The following MVB12B variants were observed in gnomAD, a reference collection of about 807,000 sequenced individuals.
MVB12B encodes the protein multivesicular body subunit 12B, also known as ESCRT-I complex subunit MVB12B.
A neutral mutation model predicts 41.6 loss-of-function variants in MVB12B; 16 were observed. The observed-to-expected ratio is 0.38, with a 90% CI of 0.26 to 0.58. MVB12B has a LOEUF of 0.58. MVB12B is among the 20% of genes least tolerant of loss of function. The pLI is 0.62. For synonymous variants in MVB12B, 133 were observed against 139.7 expected (o/e 0.95, Z 0.34); for missense variants, 274 against 380.2 (o/e 0.72, Z 2.32).
chr9:126,404,381 G>T (rs971054085), intron 6 of MVB12B, among the ~76,000 whole-genome samples: 6 of 152,194 alleles, frequency 3.9e-5, no homozygotes, highest in Non-Finnish European at 8.8e-5. Flanking sequence ...CAAGTGTCAG[G>T]GCTAGGATCT....
intron 7 of MVB12B, among the ~76,000 whole-genome samples, chr9:126,472,433 C>T (rs1833333032): frequency 6.7e-6 from 1 of 149,596 alleles, no homozygotes; most frequent in Admixed American, 6.7e-5. Context: ...GACTGCTTCC[C>T]CGAGAATAGC....
intron 6 of MVB12B, among the ~76,000 whole-genome samples, chr9:126,404,498 A>G (rs1040184376): frequency 3.9e-5 from 6 of 152,232 alleles, no homozygotes; most frequent in African/African-American, 1.4e-4. Context: ...GCTGGTGGGT[A>G]GGTGGGGTGC....
intron 2 of MVB12B, among the ~76,000 whole-genome samples, chr9:126,365,527 G>A (rs1830154994): frequency 6.6e-6 from 1 of 151,930 alleles, no homozygotes; most frequent in Admixed American, 6.6e-5. Flanking sequence ...TTTTTGTAGA[G>A]ACAGGGTTTC....
intron 7 of MVB12B, among the ~76,000 whole-genome samples, chr9:126,457,413 G>C (rs941430168): frequency 2.0e-5 from 3 of 152,210 alleles, no homozygotes; most frequent in African/African-American, 7.2e-5. Context: ...TCCCCACTGA[G>C]GCACGCCTGC....
Position 126,395,571 on chromosome 9 carries a change from A to G in MVB12B, c.540-4A>G, listed in dbSNP as rs184316811. 3,326 of 1,613,420 alleles carry G rather than the reference A, an allele frequency of 2.1e-3. 2 individuals carry two copies. The highest frequency in any genetic ancestry group is 2.6e-3 in the Non-Finnish European group (3,067 of 1,179,790). ...GCCATGAAGATTTCTCTTTTTTCCT[A>G]AAGGGAACTGAACAGCATGGGGATC... On this transcript the variant is annotated splice_polypyrimidine_tract_variant and splice_region_variant and intron_variant, in intron 5 of 9. Coordinates refer to ENST00000361171, the MANE Select transcript of MVB12B (RefSeq NM_033446.3). This position sits in a 1 kb window ranked among gnomAD's most constrained non-coding sequence, Gnocchi z 4.9.
intron 2 of MVB12B, among the ~76,000 whole-genome samples, chr9:126,342,218 G>A (rs544469425): frequency 5.3e-5 from 8 of 152,230 alleles, no homozygotes; most frequent in Non-Finnish European, 1.5e-5. Context: ...TTCCCGCTGT[G>A]GGAGAGGACG....
At chr9:126,496,883 C>A (rs1017682017) in intron 9 of MVB12B, among the ~76,000 whole-genome samples, 1 of 152,194 alleles carries the variant, frequency 6.6e-6, no homozygotes, top group East Asian at 1.9e-4. Flanking sequence ...AGGCCCCTGT[C>A]CCCCAGGGGA....
At chr9:126,422,856 C>T (rs1832065832) in intron 7 of MVB12B, among the ~76,000 whole-genome samples, 1 of 152,088 alleles carries the variant, frequency 6.6e-6, no homozygotes, top group African/African-American at 2.4e-5. Context: ...ATGATCACTC[C>T]CTAATAGGTT....
Position 126,473,943 on chromosome 9 carries a change from GA to G in MVB12B, c.758-7424del, listed in dbSNP as rs1300288568. On this transcript the variant is annotated intron_variant, in intron 7 of 9. Transcript: ENST00000361171. This position sits in a 1 kb window ranked among gnomAD's most constrained non-coding sequence, Gnocchi z 4.0. ...TATTTTGTAGAACTGGGCTTGGGGA[GA>G]ACTTCTTTACCTCCCAGGTTTGTTG... 1.3e-5 allele frequency among the ~76,000 whole-genome samples: 2 copies of G among 152,208 alleles called. No homozygotes were observed. Among genetic ancestry groups the G allele is most frequent in the Non-Finnish European group, 1.5e-5 (1 of 68,042 alleles).
intron 6 of MVB12B, among the ~76,000 whole-genome samples, chr9:126,401,574 A>C (rs1047773856): frequency 2.0e-5 from 3 of 152,186 alleles, no homozygotes; most frequent in Non-Finnish European, 4.4e-5. Context: ...ATCCTTGCTG[A>C]CCTCAAAAAT....
intron 7 of MVB12B, among the ~76,000 whole-genome samples, chr9:126,448,890 A>G (rs1832841530): frequency 1.3e-5 from 2 of 152,178 alleles, no homozygotes; most frequent in Admixed American, 6.5e-5. Context: ...AAACTGCCAA[A>G]CCATATCAAG....
At chr9:126,417,821 G>A (rs972150584) in intron 6 of MVB12B, among the ~76,000 whole-genome samples, 4 of 152,182 alleles carry the variant, frequency 2.6e-5, no homozygotes, top group Admixed American at 2.0e-4. Flanking sequence ...CCAGTCTGGG[G>A]CAAGCCCAGG....
At chr9:126,373,317 G>A (rs1016507536) in intron 2 of MVB12B, among the ~76,000 whole-genome samples, 4 of 152,202 alleles carry the variant, frequency 2.6e-5, no homozygotes, top group Admixed American at 6.5e-5. Flanking sequence ...CGGATGGTTG[G>A]ATAGGCTCCT....
intron 3 of MVB12B, among the ~76,000 whole-genome samples, chr9:126,384,318 G>T (rs767891530): frequency 3.9e-5 from 6 of 152,154 alleles, no homozygotes; most frequent in Non-Finnish European, 7.3e-5. Flanking sequence ...ATAGTTCTGA[G>T]AGGAAGAAAC....
Position 126,503,207 on chromosome 9 carries a change from G to A in MVB12B, c.904G>A (p.Ala302Thr), listed in dbSNP as rs1337872176. 5 of 1,550,756 alleles carry A rather than the reference G, an allele frequency of 3.2e-6. No individual in the cohort carries two copies. Among genetic ancestry groups the A allele is most frequent in the African/African-American group, 1.4e-5 (1 of 73,178 alleles). The change falls in exon 10 of 10, where the codon GCA becomes ACA. Residue 302 changes from alanine (A) to threonine (T), a missense_variant. Ala to Thr is a moderately conservative substitution (Grantham distance 58). Coordinates refer to ENST00000361171, the MANE Select transcript of MVB12B (RefSeq NM_033446.3). ...YEYSFRTEQS[A>T]AARLPPSPTR... ...GTACAGCTTCCGCACAGAGCAGAGC[G>A]CAGCCGCCAGGCTCCCGCCCAGCCC...
intron 6 of MVB12B, among the ~76,000 whole-genome samples, chr9:126,420,533 T>G (rs1182244430): frequency 1.4e-5 from 2 of 141,766 alleles, no homozygotes; most frequent in African/African-American, 5.3e-5. Context: ...GAACATCCCC[T>G]CCCTGGAGAG....
At chr9:126,426,152 C>T (rs1164175292) in intron 7 of MVB12B, among the ~76,000 whole-genome samples, 6 of 152,280 alleles carry the variant, frequency 3.9e-5, no homozygotes, top group South Asian at 2.1e-4. Context: ...CAGGCAATGC[C>T]GGATGGCCAA....
chr9:126,445,685 G>A (rs538047700), intron 7 of MVB12B, among the ~76,000 whole-genome samples: 1 of 151,752 alleles, frequency 6.6e-6, no homozygotes, highest in Admixed American at 6.6e-5. Flanking sequence ...TTAGAGATGG[G>A]GGTTCTCACT....
chr9:126,500,969 C>T (rs1833943219), intron 9 of MVB12B, among the ~76,000 whole-genome samples: 1 of 152,230 alleles, frequency 6.6e-6, no homozygotes, highest in Non-Finnish European at 1.5e-5. Context: ...CCTTGGGAGT[C>T]CCGCGCAGGG....
Sources: allele counts gnomAD v4.1 joint callset (sites outside exome capture counted in the v4.1 genomes callset), GRCh38; gene constraint gnomAD v4.1.1; non-coding constraint Gnocchi (gnomAD v3.1); transcripts MANE v1.5; gene names NCBI Gene and HGNC (gene_info 2026-07-23, HGNC 2026-07-21).